Variants in SSBP3 observed in about 807,000 individuals in gnomAD.
SSBP3 encodes single-stranded DNA-binding protein 3.
SSBP3 carries 5 observed loss-of-function variants against 69.6 expected under a neutral mutation model. The observed-to-expected ratio is 0.07, with a 90% CI of 0.04 to 0.15. SSBP3 has a LOEUF of 0.15. Ranked by LOEUF, SSBP3 falls within the 10% of genes least tolerant of loss-of-function variation. SSBP3 has a pLI of 1.00. For synonymous variants in SSBP3, 196 were observed against 193.4 expected, an observed-to-expected ratio of 1.01 and a Z score of -0.11; for missense variants, 312 against 534.0, an observed-to-expected ratio of 0.58 and a Z score of 4.10.
intron 4 of SSBP3, among the ~76,000 whole-genome samples, chr1:54,313,455 T>TTC (rs1161167492): frequency 1.3e-4 from 18 of 138,036 alleles, no homozygotes; most frequent in African/African-American, 4.8e-4. Flanking sequence ...TTTTTTTTTT[T>TTC]TTTTTTCTTT....
chr1:54,306,360 A>C (rs1278131438), intron 4 of SSBP3, among the ~76,000 whole-genome samples: 1 of 152,256 alleles, frequency 6.6e-6, no homozygotes, highest in Non-Finnish European at 1.5e-5. Context: ...GGACAGCTAC[A>C]AGTCCAAACA....
At chr1:54,333,535 A>C (rs970332253) in intron 4 of SSBP3, among the ~76,000 whole-genome samples, 1 of 152,096 alleles carries the variant, frequency 6.6e-6, no homozygotes, top group Non-Finnish European at 1.5e-5. Context: ...GCACTTTGGG[A>C]GGCTGAGGGA....
intron 4 of SSBP3, among the ~76,000 whole-genome samples, chr1:54,350,308 G>C (rs1418571288): frequency 6.6e-6 from 1 of 152,194 alleles, no homozygotes; most frequent in Non-Finnish European, 1.5e-5. Flanking sequence ...CAAAACACAA[G>C]AGCAGCCCCT....
chr1:54,390,592 T>C (rs752368998), intron 4 of SSBP3, among the ~76,000 whole-genome samples: 3 of 152,244 alleles, frequency 2.0e-5, no homozygotes, highest in Middle Eastern at 3.2e-3. Flanking sequence ...GTATTTAAAG[T>C]GGCAGCCATC....
chr1:54,404,956 G>C lies in SSBP3; in HGVS notation c.57-26C>G, dbSNP rs547267686. The stretch of plus-strand genomic sequence containing the variant: ...CTGGAAAGTGGACAGGGGGCAAAGA[G>C]AGAGAGGGAAAGGCGTCAGATCCCA... On this transcript the variant is annotated intron_variant, in intron 1 of 17. Coordinates refer to ENST00000610401, the Ensembl canonical transcript of SSBP3. 70 of 1,604,588 alleles carry C rather than the reference G, an allele frequency of 4.4e-5. No homozygotes were observed. In the South Asian group the frequency reaches 6.8e-4, roughly 16 times the overall value.
At chr1:54,379,597 C>T (rs772601750) in intron 4 of SSBP3, among the ~76,000 whole-genome samples, 26 of 152,332 alleles carry the variant, frequency 1.7e-4, no homozygotes, top group East Asian at 7.7e-4. Context: ...CTGACATCCA[C>T]GCCCAGGACC....
intron 4 of SSBP3, among the ~76,000 whole-genome samples, chr1:54,395,585 G>A (rs1557590989): frequency 6.6e-6 from 1 of 152,118 alleles, no homozygotes; most frequent in South Asian, 2.1e-4. Flanking sequence ...GGCGGTGGGG[G>A]GGTTTAGAAT....
chr1:54,242,952 AAAAAATAAAAAT>A (rs1305402206), intron 10 of SSBP3: 2 of 363,358 alleles, frequency 5.5e-6, no homozygotes, highest in Non-Finnish European at 9.9e-6. Flanking sequence ...TCTGTCTCAA[AAAAAATAAAAAT>A]AAAAATAAAA....
chr1:54,368,559 C>G (rs1647067345), intron 4 of SSBP3, among the ~76,000 whole-genome samples: 1 of 152,000 alleles, frequency 6.6e-6, no homozygotes, highest in Admixed American at 6.6e-5. Context: ...ATTATTTAAC[C>G]AGATAAGGTC....
chr1:54,405,982 C>T (rs764054112), exon 1 of SSBP3: 9 of 1,483,292 alleles, frequency 6.1e-6, no homozygotes, highest in Middle Eastern at 2.4e-4. Context: ...CCGAGGGCAC[C>T]GCCGAGCCTT....
In SSBP3 at chr1:54,348,158, C is replaced by T. The variant is rs564633741; in HGVS notation, c.276+53703G>A. 2.9e-4 allele frequency among the ~76,000 whole-genome samples: 42 copies of T among 143,328 alleles called. No individual in the cohort carries two copies. In the South Asian group the frequency reaches 8.2e-3, roughly 28 times the overall value. 94.0% of individuals were successfully genotyped at this position (143,328 alleles called of 152,430 possible). ...ACACAAAGTCATCTTTATCGGGTGG[C>T]GGACTCTGCCCCTCAGTCCGCCAAC... On this transcript the variant is annotated intron_variant, in intron 4 of 17. Coordinates refer to ENST00000610401, the Ensembl canonical transcript of SSBP3.
At chr1:54,353,221 A>ATTATTTATTTATTTTGC (rs1310653802) in intron 4 of SSBP3, among the ~76,000 whole-genome samples, 9 of 152,188 alleles carry the variant, frequency 5.9e-5, no homozygotes, top group African/African-American at 1.9e-4. Flanking sequence ...TTTGCATCTA[A>ATTATTTATTTATTTTGC]CAAGGCCCTG....
intron 4 of SSBP3, among the ~76,000 whole-genome samples, chr1:54,394,924 C>T (rs900739321): frequency 1.3e-4 from 20 of 151,604 alleles, no homozygotes; most frequent in African/African-American, 4.8e-4. Context: ...AGGATGGTCT[C>T]GATCTCCTGA....
At chr1:54,354,132 G>GA (rs1266310562) in intron 4 of SSBP3, among the ~76,000 whole-genome samples, 1 of 152,210 alleles carries the variant, frequency 6.6e-6, no homozygotes, top group Non-Finnish European at 1.5e-5. Flanking sequence ...ATCTTATCTA[G>GA]AAAGCCTGGA....
chr1:54,255,081 T>C (rs1270108041), intron 7 of SSBP3, among the ~76,000 whole-genome samples: 1 of 138,564 alleles, frequency 7.2e-6, no homozygotes, highest in Non-Finnish European at 1.5e-5. Flanking sequence ...TCCACCCGCC[T>C]GAGCCTCCCA....
intron 4 of SSBP3, among the ~76,000 whole-genome samples, chr1:54,376,939 G>C (rs1015054300): frequency 6.6e-6 from 1 of 152,104 alleles, no homozygotes; most frequent in African/African-American, 2.4e-5. Flanking sequence ...CAAAGAGCCT[G>C]GCCCCTCTGT....
intron 4 of SSBP3, among the ~76,000 whole-genome samples, chr1:54,367,147 G>A (rs746715318): frequency 2.6e-5 from 4 of 152,136 alleles, no homozygotes; most frequent in Non-Finnish European, 5.9e-5. Flanking sequence ...GTTTTTAAGG[G>A]TTAATCCTAG....
intron 4 of SSBP3, among the ~76,000 whole-genome samples, chr1:54,371,083 A>AG (rs1020478112): frequency 5.3e-5 from 8 of 152,242 alleles, no homozygotes; most frequent in African/African-American, 1.2e-4. Context: ...AGACCACCCA[A>AG]GGGGGGGTAT....
chr1:54,340,174 A>G (rs183392045), intron 4 of SSBP3, among the ~76,000 whole-genome samples: 1 of 152,324 alleles, frequency 6.6e-6, no homozygotes, highest in East Asian at 1.9e-4. Flanking sequence ...TATTTACAAA[A>G]TTAATTGAAC....
Sources: gnomAD v4.1 joint callset for allele counts (sites outside exome capture counted in the v4.1 genomes callset) on GRCh38, gnomAD v4.1.1 for gene constraint, MANE v1.5 for transcripts, NCBI Gene and HGNC (gene_info 2026-07-23, HGNC 2026-07-21) for gene names.